The following TNRC6A variants were observed in gnomAD, a reference collection of about 807,000 sequenced individuals.
TNRC6A encodes trinucleotide repeat-containing gene 6A protein.
Under a neutral mutation model 221.2 loss-of-function variants are expected in TNRC6A, and 44 were observed. The ratio of observed to expected loss-of-function variants is 0.20; its 90% confidence interval spans 0.16 to 0.26. The LOEUF (loss-of-function observed/expected upper bound fraction) is 0.26, where lower values mean the gene tolerates loss of function less well. Ranked by LOEUF, TNRC6A falls within the 10% of genes least tolerant of loss-of-function variation. The pLI is 1.00. For missense variants in TNRC6A, 2,199 were observed against 2,404.4 expected, an observed-to-expected ratio of 0.91 and a Z score of 1.79; for synonymous variants, 847 against 838.5, an observed-to-expected ratio of 1.01 and a Z score of -0.18.
At chr16:24,632,917 G>T (rs1191197514) in intron 1 of TNRC6A, among the ~76,000 whole-genome samples, 1 of 151,392 alleles carries the variant, frequency 6.6e-6, no homozygotes. Context: ...GCTGAGGCAG[G>T]AGACTCACTT....
chr16:24,642,791 G>T (rs1479764496), intron 2 of TNRC6A, among the ~76,000 whole-genome samples: 1 of 152,050 alleles, frequency 6.6e-6, no homozygotes, highest in Non-Finnish European at 1.5e-5. Context: ...CTGCACTACA[G>T]CCGGGCGACA....
intron 1 of TNRC6A, among the ~76,000 whole-genome samples, chr16:24,627,213 C>T (rs1423943781): frequency 1.3e-5 from 2 of 152,064 alleles, no homozygotes; most frequent in African/African-American, 4.8e-5. Context: ...GTGGCTGTGA[C>T]CTGGAGCAGT....
intron 2 of TNRC6A, among the ~76,000 whole-genome samples, chr16:24,707,102 C>T (rs2142269461): frequency 6.6e-6 from 1 of 151,940 alleles, no homozygotes; most frequent in South Asian, 2.1e-4. Flanking sequence ...TGCAAGAGAT[C>T]CTCCTTCCTC....
chr16:24,794,941 TC>T (rs1276512728), intron 8 of TNRC6A, among the ~76,000 whole-genome samples: 1 of 151,850 alleles, frequency 6.6e-6, no homozygotes, highest in Non-Finnish European at 1.5e-5. Context: ...TCTCTCTTCC[TC>T]CCCCTCCACC....
intron 2 of TNRC6A, among the ~76,000 whole-genome samples, chr16:24,660,456 A>G (rs1431849703): frequency 1.3e-5 from 2 of 152,072 alleles, no homozygotes; most frequent in Non-Finnish European, 2.9e-5. Flanking sequence ...ATATATATAT[A>G]TATCAGATTT....
chr16:24,751,790 G>A (rs573336435), intron 3 of TNRC6A, among the ~76,000 whole-genome samples: 311 of 152,316 alleles, frequency 2.0e-3, no homozygotes, highest in Non-Finnish European at 3.5e-3. Flanking sequence ...AACACAGGCT[G>A]TAAAAATGGC....
At chr16:24,724,434 A>G (rs978692016) in intron 2 of TNRC6A, among the ~76,000 whole-genome samples, 3 of 152,198 alleles carry the variant, frequency 2.0e-5, no homozygotes, top group African/African-American at 7.2e-5. Context: ...ACTTTCAAAT[A>G]CATTTTAGTT....
chr16:24,821,606 C>T (rs1333950128), intron 22 of TNRC6A, among the ~76,000 whole-genome samples: 2 of 152,200 alleles, frequency 1.3e-5, no homozygotes, highest in South Asian at 2.1e-4. Context: ...CACAGGGGTC[C>T]AGCAGGAAGG....
In TNRC6A at chr16:24,791,623, C is replaced by T. The variant is rs1208334344; in HGVS notation, c.2981C>T (p.Ser994Phe). The change falls in exon 6 of 25, where the codon TCT (serine) becomes TTT (phenylalanine). Residue 994 changes from serine to phenylalanine, a missense_variant. Around this residue, in one of 8 missense-constraint regions of TNRC6A, gnomAD observed 1,405 missense variants for 1,400.2 expected, o/e 1.00. Coordinates refer to ENST00000395799, the MANE Select transcript of TNRC6A (RefSeq NM_014494.4). ...PTGWEEPSPE[S>F]IRRKMEIDDG... Reference sequence around the variant, plus strand: ...GGCTGGGAGGAACCATCCCCAGAATCTATACGTCGCAAAATGGAGATTGAT... The same window carrying T: ...GGCTGGGAGGAACCATCCCCAGAATTTATACGTCGCAAAATGGAGATTGAT... The T allele has an allele frequency of 3.1e-6, 5 of 1,610,454 alleles. No homozygotes were observed. The Admixed American group carries it at 8.4e-5, about 27-fold the overall frequency.
chr16:24,697,885 C>T (rs2055893034), intron 2 of TNRC6A, among the ~76,000 whole-genome samples: 1 of 151,862 alleles, frequency 6.6e-6, no homozygotes, highest in African/African-American at 2.4e-5. Flanking sequence ...ATTAAAAATA[C>T]AAAAATTAGC....
At chr16:24,701,868 C>T (rs1282746196) in intron 2 of TNRC6A, among the ~76,000 whole-genome samples, 2 of 152,152 alleles carry the variant, frequency 1.3e-5, no homozygotes, top group Non-Finnish European at 2.9e-5. Flanking sequence ...TGGACTCCTT[C>T]CAAGGTTAAT....
intron 2 of TNRC6A, among the ~76,000 whole-genome samples, chr16:24,721,124 G>T (rs1006672223): frequency 6.6e-6 from 1 of 152,206 alleles, no homozygotes; most frequent in Non-Finnish European, 1.5e-5. Flanking sequence ...AGCTGCTGAG[G>T]AGAGGCAGCA....
chr16:24,802,236 A>G (rs1050455606), intron 11 of TNRC6A, among the ~76,000 whole-genome samples: 2 of 152,194 alleles, frequency 1.3e-5, no homozygotes, highest in African/African-American at 4.8e-5. Flanking sequence ...AGGAATAGGG[A>G]GATGAAAACC....
At chr16:24,713,639 G>T (rs1009914675) in intron 2 of TNRC6A, among the ~76,000 whole-genome samples, 3 of 151,190 alleles carry the variant, frequency 2.0e-5, no homozygotes, top group Non-Finnish European at 2.9e-5. Context: ...TTTTATTTTA[G>T]TTTAGTTTAG....
intron 5 of TNRC6A, among the ~76,000 whole-genome samples, chr16:24,787,738 A>G (rs1275128280): frequency 6.6e-6 from 1 of 152,214 alleles, no homozygotes; most frequent in South Asian, 2.1e-4. Context: ...GTCTCTCTCC[A>G]GTCACTTTTC....
At position 24,647,865 on chromosome 16, in the gene TNRC6A, C is replaced by T. The variant is rs140104048; in HGVS notation, n.402+6856C>T. ...GACCTCAAATGATCAGCTGTCTCAG[C>T]CTCCCAAAGTGCTGGGATTGCAGGC... On this transcript the variant is annotated intron_variant and non_coding_transcript_variant, in intron 2 of 2. Coordinates refer to the TNRC6A transcript ENST00000566108. Among the ~76,000 whole-genome samples the T allele has an allele frequency of 7.9e-5, 12 of 152,288 alleles. No individual in the cohort carries two copies. In the East Asian group the frequency reaches 2.3e-3, roughly 29 times the overall value.
At chr16:24,708,056 C>CA (rs749338303) in intron 2 of TNRC6A, among the ~76,000 whole-genome samples, 75 of 97,126 alleles carry the variant, frequency 7.7e-4, no homozygotes, top group Middle Eastern at 5.0e-3. Context: ...GAGACTCTGT[C>CA]AAAAAAAAAA....
At chr16:24,708,244 G>GTTCT (rs1555492246) in intron 2 of TNRC6A, among the ~76,000 whole-genome samples, 28 of 138,522 alleles carry the variant, frequency 2.0e-4, no homozygotes, top group Admixed American at 4.4e-4. Flanking sequence ...ACATGGATGA[G>GTTCT]TTTTTTTTTT....
intron 2 of TNRC6A, among the ~76,000 whole-genome samples, chr16:24,717,328 T>G (rs917801476): frequency 6.6e-6 from 1 of 152,228 alleles, no homozygotes; most frequent in East Asian, 1.9e-4. Flanking sequence ...GAATGCTTAA[T>G]GTAGCATTTC....
Sources: gnomAD v4.1 joint callset for allele counts (sites outside exome capture counted in the v4.1 genomes callset) on GRCh38, gnomAD v4.1.1 for gene constraint, gnomAD v4.1.1 regional missense constraint, MANE v1.5 for transcripts, NCBI Gene and HGNC (gene_info 2026-07-23, HGNC 2026-07-21) for gene names.